The following ST8SIA5 variants were observed in gnomAD, a reference collection of about 807,000 sequenced individuals.
The protein encoded by ST8SIA5 is ST8 alpha-N-acetyl-neuraminide alpha-2,8-sialyltransferase 5.
ST8SIA5 carries 24 observed loss-of-function variants against 40.2 expected under a neutral mutation model. The ratio of observed to expected loss-of-function variants is 0.60; its 90% CI spans 0.43 to 0.84. The LOEUF (loss-of-function observed/expected upper bound fraction) is 0.84. Among genes scored for constraint, ST8SIA5 ranks in the 40% least tolerant of loss-of-function variants. The probability of loss-of-function intolerance (pLI) is 0.00; values close to 1 mark genes in which losing one functional copy is unlikely to be tolerated. For synonymous variants in ST8SIA5, 198 were observed against 201.8 expected, an observed-to-expected ratio of 0.98 and a Z score of 0.16; for missense variants, 465 against 498.5, an observed-to-expected ratio of 0.93 and a Z score of 0.64.
rs76183177 is a variant in ST8SIA5, at chr18:46,681,755, A to G, written c.662+217T>C. On this transcript the variant is annotated intron_variant, in intron 6 of 6. Coordinates refer to ENST00000315087, the MANE Select transcript of ST8SIA5 (RefSeq NM_013305.6). ...GAAGTTTTTATATTTTCTTTAACCC[A>G]CTATTTCGAAAATACTATTACTTCA... is the stretch of plus-strand genomic sequence containing the variant. 2.1e-3 allele frequency among the ~76,000 whole-genome samples: 322 copies of G among 152,386 alleles called. 11 individuals carry two copies. In the East Asian group the frequency reaches 0.057, roughly 27 times the overall value.
At chr18:46,700,110 T>C (rs960393626) in intron 2 of ST8SIA5, among the ~76,000 whole-genome samples, 3 of 152,232 alleles carry the variant, frequency 2.0e-5, no homozygotes, top group Non-Finnish European at 4.4e-5. Context: ...CAGGTGTAAA[T>C]AATTTTAGTA....
intron 1 of ST8SIA5, among the ~76,000 whole-genome samples, chr18:46,721,671 T>A (rs2039864973): frequency 6.6e-6 from 1 of 152,226 alleles, no homozygotes; most frequent in East Asian, 1.9e-4. Flanking sequence ...GTTCTGCATC[T>A]ATCCCCTCAT....
chr18:46,747,485 G>A (rs2040151936), intron 1 of ST8SIA5, among the ~76,000 whole-genome samples: 1 of 152,220 alleles, frequency 6.6e-6, no homozygotes, highest in Non-Finnish European at 1.5e-5. Flanking sequence ...CATCATCACT[G>A]GTCATCAGAG....
intron 2 of ST8SIA5, among the ~76,000 whole-genome samples, chr18:46,700,229 C>T (rs1173586483): frequency 6.6e-6 from 1 of 152,240 alleles, no homozygotes; most frequent in Non-Finnish European, 1.5e-5. Flanking sequence ...TTCTGGCTGA[C>T]TGACTTTTAC....
chr18:46,747,991 T>G (rs916440561), intron 1 of ST8SIA5, among the ~76,000 whole-genome samples: 4 of 151,878 alleles, frequency 2.6e-5, no homozygotes, highest in African/African-American at 9.7e-5. Context: ...AAACACTGCA[T>G]GTTCTCACTC....
In ST8SIA5 at chr18:46,747,636, G is replaced by C. The variant is rs562117750; in HGVS notation, c.131+8742C>G. Among the ~76,000 whole-genome samples, 5 of 152,344 alleles carry C rather than the reference G, an allele frequency of 3.3e-5. No homozygotes were observed. The South Asian group carries it at 1.0e-3, about 32-fold the overall frequency. The stretch of plus-strand genomic sequence containing the variant: ...ACACTGTTGGTGGGAGTGTAAATTA[G>C]TTCAATGATTGTGGAAGACAGTGTG... On this transcript the variant is annotated intron_variant, in intron 1 of 6. Transcript: ENST00000315087.
At chr18:46,727,078 A>G (rs1228953003) in intron 1 of ST8SIA5, among the ~76,000 whole-genome samples, 2 of 152,208 alleles carry the variant, frequency 1.3e-5, no homozygotes, top group Admixed American at 1.3e-4. Context: ...CACAGCCCTG[A>G]ACCTAAGGAA....
chr18:46,716,676 C>G (rs929946550), intron 1 of ST8SIA5, among the ~76,000 whole-genome samples: 9 of 152,224 alleles, frequency 5.9e-5, no homozygotes, highest in African/African-American at 2.2e-4. Context: ...TGGAGATGCT[C>G]GCACAGGTGG....
intron 2 of ST8SIA5, among the ~76,000 whole-genome samples, chr18:46,703,394 G>T (rs1257820708): frequency 2.0e-5 from 3 of 152,054 alleles, no homozygotes; most frequent in Non-Finnish European, 4.4e-5. Flanking sequence ...GTGATCCTGG[G>T]CTATCTATTT....
Position 46,680,091 on chromosome 18 carries a change from T to A in ST8SIA5, c.1082A>T (p.His361Leu). ...PSEIFNFLHL[H>L]SRGILRVHTG... is the part of the protein sequence containing the mutation. ...GTGCACGCGGAGGATGCCTCGGCTG[T>A]GCAAGTGCAGGAAGTTGAAGATCTC... Residue 361 changes from histidine (H) to leucine (L), a missense_variant, in exon 7 of 7, where the codon CAC (histidine) becomes CTC (leucine). Physicochemically the swap from His to Leu is moderately conservative, Grantham distance 99. Transcript: ENST00000315087. 6.2e-7 allele frequency: 1 copy of A among 1,613,966 alleles called. No individual in the cohort carries two copies. The highest frequency in any genetic ancestry group is 2.2e-5 in the East Asian group (1 of 44,880).
chr18:46,739,503 C>T (rs2040067878), intron 1 of ST8SIA5, among the ~76,000 whole-genome samples: 1 of 152,194 alleles, frequency 6.6e-6, no homozygotes, highest in Non-Finnish European at 1.5e-5. Flanking sequence ...CACTGCACTC[C>T]AGCATGGGTA....
At chr18:46,701,130 CTTTTTTTT>C (rs755571106) in intron 2 of ST8SIA5, among the ~76,000 whole-genome samples, 4 of 45,818 alleles carry the variant, frequency 8.7e-5, no homozygotes, top group African/African-American at 2.6e-4. Flanking sequence ...GAGATAGGGC[CTTTTTTTT>C]TTTTTTTTTT....
At chr18:46,754,156 C>G (rs573122130) in intron 1 of ST8SIA5, among the ~76,000 whole-genome samples, 1 of 152,140 alleles carries the variant, frequency 6.6e-6, no homozygotes, top group Non-Finnish European at 1.5e-5. Context: ...ACATCCAGTT[C>G]AAGATCAGGA....
At chr18:46,693,485 A>G (rs2039527482) in intron 2 of ST8SIA5, among the ~76,000 whole-genome samples, 3 of 152,214 alleles carry the variant, frequency 2.0e-5, no homozygotes, top group African/African-American at 4.8e-5. Context: ...TCTCAGCATC[A>G]TGACATTCTA....
intron 6 of ST8SIA5, among the ~76,000 whole-genome samples, chr18:46,681,151 A>AT (rs958522972): frequency 5.3e-5 from 8 of 150,200 alleles, no homozygotes; most frequent in Admixed American, 1.3e-4. Context: ...TTTTTTTTTA[A>AT]TTTTTTGTAG....
chr18:46,710,362 C>CTT (rs1266209416), intron 1 of ST8SIA5, among the ~76,000 whole-genome samples: 1 of 91,854 alleles, frequency 1.1e-5, no homozygotes, highest in African/African-American at 4.1e-5. Flanking sequence ...TTCCTTCTTT[C>CTT]TTTTCTTTCT....
At chr18:46,737,188 C>A (rs928554897) in intron 1 of ST8SIA5, among the ~76,000 whole-genome samples, 2 of 152,176 alleles carry the variant, frequency 1.3e-5, no homozygotes, top group African/African-American at 4.8e-5. Context: ...GCCTGTCCCC[C>A]AGATATCCCC....
At chr18:46,728,338 G>C (rs1272629688) in intron 1 of ST8SIA5, among the ~76,000 whole-genome samples, 3 of 152,196 alleles carry the variant, frequency 2.0e-5, no homozygotes, top group African/African-American at 7.2e-5. Context: ...TTTTGTGGGG[G>C]ACACAGGAAG....
At chr18:46,692,382 AC>A in intron 2 of ST8SIA5, 127 bp from the exon 3 acceptor site, 1 of 740,320 alleles carries the variant, frequency 1.4e-6, no homozygotes, top group Non-Finnish European at 2.3e-6. Flanking sequence ...CTTGGCATTG[AC>A]CATGTTTTCT....
Sources: gnomAD v4.1 joint callset for allele counts (sites outside exome capture counted in the v4.1 genomes callset) on GRCh38, gnomAD v4.1.1 for gene constraint, MANE v1.5 for transcripts, NCBI Gene and HGNC (gene_info 2026-07-23, HGNC 2026-07-21) for gene names.